AGPAT5: variants seen among roughly 807,000 people sequenced by gnomAD.
The protein encoded by AGPAT5 is 1-acylglycerol-3-phosphate O-acyltransferase 5.
Under a neutral mutation model 45.6 loss-of-function variants are expected in AGPAT5, and 46 were observed. That is an observed-to-expected ratio of 1.01 (90% CI 0.80 to 1.29). The LOEUF (loss-of-function observed/expected upper bound fraction) is 1.29, where lower values mean the gene tolerates loss of function less well. AGPAT5 is among the 50% of genes most tolerant of loss of function. AGPAT5 has a pLI of 0.00. For synonymous variants in AGPAT5, 272 were observed against 167.0 expected, an observed-to-expected ratio of 1.63 and a Z score of -4.85; for missense variants, 673 against 450.7, an observed-to-expected ratio of 1.49 and a Z score of -4.47.
At chr8:6,741,826 GA>G (rs1801254655) in intron 5 of AGPAT5, 75 bp downstream of exon 5, 2 of 1,201,920 alleles carry the variant, frequency 1.7e-6, no homozygotes, top group Non-Finnish European at 2.4e-6. Flanking sequence ...TCCTGGAAAA[GA>G]TACTTTTGTT....
chr8:6,746,357 T>A (rs1469437260), intron 5 of AGPAT5: 1 of 152,262 alleles, frequency 6.6e-6, no homozygotes, highest in Non-Finnish European at 1.5e-5. Context: ...GCTATTTTTT[T>A]AAAACATTCA....
chr8:6,721,007 T>C (rs1800478093), intron 1 of AGPAT5, among the ~76,000 whole-genome samples: 1 of 152,216 alleles, frequency 6.6e-6, no homozygotes, highest in South Asian at 2.1e-4. Flanking sequence ...AAGGCTTTGC[T>C]GAAGAAAGCA....
At chr8:6,746,791 A>G (rs2116943450) in intron 5 of AGPAT5, among the ~76,000 whole-genome samples, 2 of 152,278 alleles carry the variant, frequency 1.3e-5, no homozygotes, top group South Asian at 4.1e-4. Flanking sequence ...AATCTAGACT[A>G]GTTTTTTATA....
rs1342569472 is a variant in AGPAT5 at position 6,757,883 on chromosome 8, A to G, written c.*495A>G. Reference sequence around the variant, plus strand: ...TAAATTGTATTTAGGAAGTGTCAGGATGTTCAAAGGAAAGGGTAAAAAGTG... The same window carrying G: ...TAAATTGTATTTAGGAAGTGTCAGGGTGTTCAAAGGAAAGGGTAAAAAGTG... On this transcript the variant is annotated 3_prime_UTR_variant, in exon 8 of 8. Coordinates refer to ENST00000285518, the MANE Select transcript of AGPAT5 (RefSeq NM_018361.5). The G allele has an allele frequency of 6.5e-6, 1 of 153,144 alleles. No individual in the cohort carries two copies. The highest frequency in any genetic ancestry group is 1.5e-5 in the Non-Finnish European group (1 of 68,698). The allele number at this position is 153,144 out of a possible 1,614,324, so 9.5% of individuals were successfully genotyped here. A position where few individuals can be genotyped will look rare whatever the true frequency, so the allele number is the denominator to read the frequency against.
intron 1 of AGPAT5, among the ~76,000 whole-genome samples, chr8:6,721,412 G>C (rs1347847747): frequency 6.6e-6 from 1 of 152,104 alleles, no homozygotes; most frequent in African/African-American, 2.4e-5. Flanking sequence ...ACAGAGTTTT[G>C]AATAAAAAGT....
chr8:6,712,080 T>G (rs1586996732), intron 1 of AGPAT5, among the ~76,000 whole-genome samples: 1 of 152,360 alleles, frequency 6.6e-6, no homozygotes, highest in East Asian at 1.9e-4. Flanking sequence ...ATTCAGTATT[T>G]TGTAGTTATT....
intron 4 of AGPAT5, 57 bp downstream of exon 4, chr8:6,732,707 A>C: frequency 7.4e-7 from 1 of 1,343,886 alleles, no homozygotes; most frequent in Non-Finnish European, 1.0e-6. Context: ...AAATTTAAGA[A>C]TTAAATTAAA....
At chr8:6,731,358 T>TA (rs1453928337) in intron 3 of AGPAT5, among the ~76,000 whole-genome samples, 1 of 152,164 alleles carries the variant, frequency 6.6e-6, no homozygotes, top group Non-Finnish European at 1.5e-5. Context: ...CCACCACAGA[T>TA]ACCAAAATCT....
intron 1 of AGPAT5, among the ~76,000 whole-genome samples, chr8:6,719,954 A>C (rs1437867795): frequency 6.6e-6 from 1 of 152,202 alleles, no homozygotes; most frequent in Non-Finnish European, 1.5e-5. Flanking sequence ...TCTCGATTGA[A>C]GAGAAGACCA....
chr8:6,730,762 A>T lies in AGPAT5; in HGVS notation c.341A>T (p.His114Leu). The T allele has an allele frequency of 1.2e-6, 2 of 1,613,654 alleles. No homozygotes were observed. Among genetic ancestry groups the T allele is most frequent in the Non-Finnish European group, 1.7e-6 (2 of 1,179,680 alleles). ...ILAIRQNALGHVRYVLKEGLK... is the reference protein window; with the variant it reads ...ILAIRQNALGLVRYVLKEGLK... Reference sequence around the variant, plus strand: ...GCCATCAGGCAGAATGCGCTAGGACATGTGCGCTACGTGCTGAAAGAAGGG... The same window carrying T: ...GCCATCAGGCAGAATGCGCTAGGACTTGTGCGCTACGTGCTGAAAGAAGGG... Residue 114 changes from histidine to leucine, a missense_variant, in exon 3 of 8, where the codon CAT becomes CTT. By Grantham distance (99) the His-to-Leu change is moderately conservative (BLOSUM62 -3). Coordinates refer to ENST00000285518, the MANE Select transcript of AGPAT5 (RefSeq NM_018361.5).
Position 6,721,597 on chromosome 8 carries a change from G to A in AGPAT5, c.220-3273G>A, listed in dbSNP as rs114118446. 2.7e-3 allele frequency among the ~76,000 whole-genome samples: 415 copies of A among 152,170 alleles called. 2 individuals are homozygous for A. Among genetic ancestry groups the A allele is most frequent in the African/African-American group, 9.7e-3 (402 of 41,532 alleles). On this transcript the variant is annotated intron_variant, in intron 1 of 7. Coordinates refer to ENST00000285518, the MANE Select transcript of AGPAT5 (RefSeq NM_018361.5). ...CAAAGAAATAGGTTTGGAGGGGTTGGGTGTTTTGCCCAAGTTCTCATCGTA... is the reference window on the plus strand; with the variant it reads ...CAAAGAAATAGGTTTGGAGGGGTTGAGTGTTTTGCCCAAGTTCTCATCGTA...
At chr8:6,736,950 C>T (rs776860458) in intron 4 of AGPAT5, among the ~76,000 whole-genome samples, 9 of 152,336 alleles carry the variant, frequency 5.9e-5, no homozygotes, top group Non-Finnish European at 1.2e-4. Flanking sequence ...CTTACTTCTG[C>T]TTTACTGTGT....
intron 1 of AGPAT5, among the ~76,000 whole-genome samples, chr8:6,720,636 A>G (rs1434247613): frequency 6.6e-6 from 1 of 152,212 alleles, no homozygotes; most frequent in African/African-American, 2.4e-5. Context: ...GGAAGATCAC[A>G]CTGCTGTTTA....
At chr8:6,727,489 T>C (rs1387858864) in intron 2 of AGPAT5, among the ~76,000 whole-genome samples, 2 of 152,028 alleles carry the variant, frequency 1.3e-5, no homozygotes, top group Admixed American at 1.3e-4. Flanking sequence ...TCAAGCCATT[T>C]TCCTGCCTCA....
At chr8:6,742,088 G>C (rs73508250) in intron 5 of AGPAT5, among the ~76,000 whole-genome samples, 3,092 of 152,198 alleles carry the variant, frequency 0.02, 105 homozygotes, top group African/African-American at 0.07. Context: ...CTTCTGTTTT[G>C]TAAGATGACA....
At chr8:6,737,689 G>C (rs967604295) in intron 4 of AGPAT5, among the ~76,000 whole-genome samples, 1 of 152,176 alleles carries the variant, frequency 6.6e-6, no homozygotes, top group Non-Finnish European at 1.5e-5. Context: ...TTTCAGATAG[G>C]AGGCAGCCTG....
chr8:6,742,488 T>C lies in AGPAT5; in HGVS notation c.586+737T>C, dbSNP rs541427536. Reference sequence around the variant, plus strand: ...TGATTTAGTGTGTGATCTCCATATGTTGATAGTCACTCACTGAGCAAATAC... The same window carrying C: ...TGATTTAGTGTGTGATCTCCATATGCTGATAGTCACTCACTGAGCAAATAC... On this transcript the variant is annotated intron_variant, in intron 5 of 7. Coordinates refer to ENST00000285518, the MANE Select transcript of AGPAT5 (RefSeq NM_018361.5). Among the ~76,000 whole-genome samples, 3 of 152,318 alleles carry C rather than the reference T, an allele frequency of 2.0e-5. No individual in the cohort carries two copies. The South Asian group carries it at 6.2e-4, about 32-fold the overall frequency.
chr8:6,720,324 G>A (rs1800458907), intron 1 of AGPAT5, among the ~76,000 whole-genome samples: 1 of 152,156 alleles, frequency 6.6e-6, no homozygotes, highest in African/African-American at 2.4e-5. Flanking sequence ...AAAATAGATA[G>A]AGATAGTTTT....
At position 6,726,429 on chromosome 8, in the gene AGPAT5, C is replaced by G. The variant is rs956170283; in HGVS notation, c.289+1490C>G. 7.9e-5 allele frequency among the ~76,000 whole-genome samples: 12 copies of G among 152,276 alleles called. No individual in the cohort carries two copies. The South Asian group carries it at 2.1e-3, about 26-fold the overall frequency. ...TTCTTCAGTTTACCTGCCAGCTTTTCTTTGTCCAGGTTTCAGTATGAACTC... is the reference window on the plus strand; with the variant it reads ...TTCTTCAGTTTACCTGCCAGCTTTTGTTTGTCCAGGTTTCAGTATGAACTC... On this transcript the variant is annotated intron_variant, in intron 2 of 7. Transcript: ENST00000285518.
Sources: allele counts gnomAD v4.1 joint callset (sites outside exome capture counted in the v4.1 genomes callset), GRCh38; gene constraint gnomAD v4.1.1; transcripts MANE v1.5; gene names NCBI Gene and HGNC (gene_info 2026-07-23, HGNC 2026-07-21).